The following ZSWIM3 variants were observed in gnomAD, a reference collection of about 807,000 sequenced individuals.
ZSWIM3 encodes zinc finger SWIM-type containing 3.
ZSWIM3 carries 27 observed loss-of-function variants against 47.5 expected under a neutral mutation model. The observed-to-expected ratio is 0.57, with a 90% CI of 0.42 to 0.78. The LOEUF (loss-of-function observed/expected upper bound fraction) is 0.78, where lower values mean the gene tolerates loss of function less well. ZSWIM3 is among the 30% of genes least tolerant of loss of function. ZSWIM3 has a pLI of 0.00. For synonymous variants in ZSWIM3, 333 were observed against 333.9 expected, an observed-to-expected ratio of 1.00 and a Z score of 0.03; for missense variants, 689 against 861.3, an observed-to-expected ratio of 0.80 and a Z score of 2.50.
chr20:45,866,809 G>A, intron 1 of ZSWIM3, among the ~76,000 whole-genome samples: 1 of 141,040 alleles, frequency 7.1e-6, no homozygotes, highest in East Asian at 2.2e-4. Flanking sequence ...AAAAAAGAGA[G>A]AAAGAAGAAA....
chr20:45,864,966 C>T (rs1985801300), intron 1 of ZSWIM3, among the ~76,000 whole-genome samples: 1 of 152,064 alleles, frequency 6.6e-6, no homozygotes, highest in Non-Finnish European at 1.5e-5. Context: ...GTCAGGAGAT[C>T]AAGACCATCC....
chr20:45,858,333 A>C (rs769954007), intron 1 of ZSWIM3, among the ~76,000 whole-genome samples: 1 of 152,222 alleles, frequency 6.6e-6, no homozygotes, highest in Non-Finnish European at 1.5e-5. Flanking sequence ...TCCTCTTTAC[A>C]AAACAGTCAC....
chr20:45,875,035 C>CTTTTTTTTTTTT (rs35356697), intron 1 of ZSWIM3, among the ~76,000 whole-genome samples: 1 of 90,540 alleles, frequency 1.1e-5, no homozygotes, highest in Non-Finnish European at 2.0e-5. Context: ...TTAATTTTAA[C>CTTTTTTTTTTTT]TTTTTTTTTT....
At chr20:45,858,414 T>G (rs927249413) in intron 1 of ZSWIM3, among the ~76,000 whole-genome samples, 1 of 152,216 alleles carries the variant, frequency 6.6e-6, no homozygotes, top group Non-Finnish European at 1.5e-5. Context: ...AAACAGGGTC[T>G]CACTCTGTCC....
In ZSWIM3 at chr20:45,857,977, T is replaced by A; in HGVS notation, c.152T>A (p.Ile51Asn). 1.7e-6 allele frequency: 1 copy of A among 601,894 alleles called. No individual in the cohort carries two copies. The highest frequency in any genetic ancestry group is 2.9e-6 in the Non-Finnish European group (1 of 347,988). 37.3% of individuals were successfully genotyped at this position (601,894 alleles called of 1,614,324 possible). ...LNHGTSIREDILYVQVKFVCI... is the reference protein window; with the variant it reads ...LNHGTSIREDNLYVQVKFVCI... ...CATGGCACCTCCATCCGCGAAGACA[T>A]CCTGTAAGGGCGGGCGGGGCGGGGC... Residue 51 changes from isoleucine to asparagine, a missense_variant, in exon 1 of 2, where the codon ATC becomes AAC. Ile to Asn is a moderately radical substitution (Grantham distance 149, BLOSUM62 -3). Transcript: ENST00000255152.
intron 1 of ZSWIM3, among the ~76,000 whole-genome samples, chr20:45,858,827 TGAGAA>T (rs1985622568): frequency 6.6e-6 from 1 of 152,172 alleles, no homozygotes; most frequent in Non-Finnish European, 1.5e-5. Context: ...ATTTGACAGA[TGAGAA>T]GATTTGACAG....
intron 1 of ZSWIM3, chr20:45,872,819 A>G (rs6130959): frequency 0.56 from 718,960 of 1,286,534 alleles, 202,632 homozygotes; most frequent in Admixed American, 0.63. Flanking sequence ...CACTGTGCAC[A>G]CAATAGGTAC....
At chr20:45,858,823 C>T (rs2145783724) in intron 1 of ZSWIM3, among the ~76,000 whole-genome samples, 1 of 152,138 alleles carries the variant, frequency 6.6e-6, no homozygotes, top group East Asian at 1.9e-4. Context: ...TTGCATTTGA[C>T]AGATGAGAAG....
At chr20:45,869,420 G>T (rs924076727) in intron 1 of ZSWIM3, among the ~76,000 whole-genome samples, 4 of 151,344 alleles carry the variant, frequency 2.6e-5, no homozygotes, top group Admixed American at 6.6e-5. Flanking sequence ...TCGGGAGGCT[G>T]AGGCAGGAGA....
At position 45,877,025 on chromosome 20, in the gene ZSWIM3, A is replaced by G. The variant is rs952804538; in HGVS notation, c.467A>G (p.Gln156Arg). The change falls in exon 2 of 2, where the codon CAA (glutamine) becomes CGA (arginine). Residue 156 changes from glutamine to arginine, a missense_variant. Physicochemically the swap from Gln to Arg is conservative, Grantham distance 43. Coordinates refer to ENST00000255152, the MANE Select transcript of ZSWIM3 (RefSeq NM_080752.4). Reference sequence around the variant, plus strand: ...CCATCGTTTTGCCTAGATAAGGTACAAGTGTCCTCAAAGCCAGAGCAGGAA... The same window carrying G: ...CCATCGTTTTGCCTAGATAAGGTACGAGTGTCCTCAAAGCCAGAGCAGGAA... ...VEPSFCLDKV[Q>R]VSSKPEQEGI... 6.2e-7 allele frequency: 1 copy of G among 1,614,042 alleles called. No individual in the cohort carries two copies. Among genetic ancestry groups the G allele is most frequent in the African/African-American group, 1.3e-5 (1 of 74,906 alleles).
At chr20:45,860,321 C>T (rs868733971) in intron 1 of ZSWIM3, among the ~76,000 whole-genome samples, 52 of 152,060 alleles carry the variant, frequency 3.4e-4, no homozygotes, top group African/African-American at 1.2e-3. Flanking sequence ...TCAAGACCAT[C>T]CTGGCCAACA....
At chr20:45,861,543 G>C (rs1985708533) in intron 1 of ZSWIM3, among the ~76,000 whole-genome samples, 4 of 152,196 alleles carry the variant, frequency 2.6e-5, no homozygotes, top group Admixed American at 2.6e-4. Flanking sequence ...AAGGAAATTG[G>C]AGGGTTGATA....
At position 45,865,853 on chromosome 20, in the gene ZSWIM3, C is replaced by G. The variant is rs561339950; in HGVS notation, c.155+7873C>G. Among the ~76,000 whole-genome samples the G allele has an allele frequency of 2.3e-3, 356 of 151,784 alleles. 2 individuals are homozygous for G. Among genetic ancestry groups the G allele is most frequent in the Non-Finnish European group, 3.3e-3 (225 of 67,944 alleles). ...TCTACTAAAAATACAATTAGCTGGG[C>G]GTGGTGGCAGGCGCCTGTAATCCCA... is the stretch of plus-strand genomic sequence containing the variant. On this transcript the variant is annotated intron_variant, in intron 1 of 1. Transcript: ENST00000255152.
chr20:45,873,879 A>G (rs1229905060), intron 1 of ZSWIM3, among the ~76,000 whole-genome samples: 4 of 152,236 alleles, frequency 2.6e-5, no homozygotes, highest in African/African-American at 7.2e-5. Context: ...GGGGGCATCC[A>G]CAAAGACTTT....
Position 45,877,624 on chromosome 20 carries a change from G to C in ZSWIM3, c.1066G>C (p.Ala356Pro). Reference sequence around the variant, plus strand: ...GAAAAATCTCTGCCAGATGTCCCAGGCCGTACTGGATGAGGATCTCTTCAA... The same window carrying C: ...GAAAAATCTCTGCCAGATGTCCCAGCCCGTACTGGATGAGGATCTCTTCAA... Reference protein sequence around the residue: ...SLKNLCQMSQAVLDEDLFNFL... With the variant: ...SLKNLCQMSQPVLDEDLFNFL... Residue 356 changes from alanine to proline, a missense_variant, in exon 2 of 2, where the codon GCC (alanine) becomes CCC (proline). By Grantham distance (27) the Ala-to-Pro change is conservative. Transcript: ENST00000255152. 1 of 1,614,146 alleles carries C rather than the reference G, an allele frequency of 6.2e-7. No homozygotes were observed. Among genetic ancestry groups the C allele is most frequent in the Non-Finnish European group, 8.5e-7 (1 of 1,180,028 alleles).
rs761833155 is a variant in ZSWIM3, at chr20:45,877,548, C to T, written c.990C>T (p.Leu330=). The T allele has an allele frequency of 1.2e-6, 2 of 1,614,216 alleles. No homozygotes were observed. Among genetic ancestry groups the T allele is most frequent in the Non-Finnish European group, 1.7e-6 (2 of 1,180,046 alleles). The part of the protein sequence containing the change: ...RSSANPSFKR[L]MKEALREAVF... The stretch of plus-strand genomic sequence containing the variant: ...CAGCAAATCCATCCTTTAAAAGGCT[C>T]ATGAAGGAAGCCCTGCGGGAGGCCG... The change falls in exon 2 of 2, where the codon CTC becomes CTT. Residue 330 remains leucine (L), a synonymous_variant. Coordinates refer to ENST00000255152, the MANE Select transcript of ZSWIM3 (RefSeq NM_080752.4).
chr20:45,868,804 CATT>C (rs1985902939), intron 1 of ZSWIM3, among the ~76,000 whole-genome samples: 1 of 145,326 alleles, frequency 6.9e-6, no homozygotes, highest in Admixed American at 7.0e-5. Flanking sequence ...TAATAATAAT[CATT>C]ATTTTTATTT....
Position 45,876,813 on chromosome 20 carries a change from C to G in ZSWIM3, c.255C>G (p.Asn85Lys). The G allele has an allele frequency of 5.0e-6, 8 of 1,614,102 alleles. No homozygotes were observed. The highest frequency in any genetic ancestry group is 6.8e-6 in the Non-Finnish European group (8 of 1,180,030). Residue 85 changes from asparagine (N) to lysine (K), a missense_variant, in exon 2 of 2, where the codon AAC (asparagine) becomes AAG (lysine). Asn to Lys is a moderately conservative substitution (Grantham distance 94, BLOSUM62 0). Coordinates refer to ENST00000255152, the MANE Select transcript of ZSWIM3 (RefSeq NM_080752.4). ...MCPAYLLLRY[N>K]ERLDRLFISE... The stretch of plus-strand genomic sequence containing the variant: ...CAGCGTACTTGCTCCTAAGGTACAA[C>G]GAGAGACTAGATAGACTATTTATCA...
intron 1 of ZSWIM3, among the ~76,000 whole-genome samples, chr20:45,876,343 CTGTT>C (rs1986092471): frequency 6.7e-6 from 1 of 148,774 alleles, no homozygotes; most frequent in Middle Eastern, 3.7e-3. Context: ...CCGCGCCCAG[CTGTT>C]TGTTTTTTTG....
Sources: allele counts gnomAD v4.1 joint callset (sites outside exome capture counted in the v4.1 genomes callset), GRCh38; gene constraint gnomAD v4.1.1; transcripts MANE v1.5; gene names NCBI Gene and HGNC (gene_info 2026-07-23, HGNC 2026-07-21).